The following USP34 variants were observed in gnomAD, a reference collection of about 807,000 sequenced individuals.
The protein encoded by USP34 is ubiquitin specific peptidase 34.
A neutral mutation model predicts 460.3 loss-of-function variants in USP34; 70 were observed. The observed-to-expected ratio is 0.15, with a 90% CI of 0.13 to 0.19. The LOEUF (loss-of-function observed/expected upper bound fraction) is 0.19. Among genes scored for constraint, USP34 ranks in the 10% least tolerant of loss-of-function variants. The probability of loss-of-function intolerance (pLI) is 1.00; values close to 1 mark genes in which losing one functional copy is unlikely to be tolerated. For synonymous variants in USP34, 1,647 were observed against 1,405.3 expected (o/e 1.17, Z -3.85); for missense variants, 3,985 against 4,236.2 (o/e 0.94, Z 1.65).
chr2:61,418,651 T>A (rs1694269939), intron 2 of USP34, among the ~76,000 whole-genome samples: 1 of 152,144 alleles, frequency 6.6e-6, no homozygotes, highest in African/African-American at 2.4e-5. Context: ...AACGACAATC[T>A]TAATCTAGGC....
intron 75 of USP34, chr2:61,200,860 G>A (rs1686955128): frequency 6.6e-6 from 1 of 152,176 alleles, no homozygotes; most frequent in Non-Finnish European, 1.5e-5. Context: ...CAAACTGTGG[G>A]ACACAACTCT....
intron 5 of USP34, among the ~76,000 whole-genome samples, chr2:61,387,720 C>T (rs1693201906): frequency 6.9e-6 from 1 of 144,014 alleles, no homozygotes; most frequent in Admixed American, 7.1e-5. Context: ...TATATTTTTA[C>T]GTATACACAC....
chr2:61,396,601 G>A (rs1353333849), intron 3 of USP34, among the ~76,000 whole-genome samples: 2 of 151,654 alleles, frequency 1.3e-5, no homozygotes, highest in African/African-American at 4.8e-5. Flanking sequence ...CCATTCTCCT[G>A]CCTCAGCCTC....
intron 10 of USP34, among the ~76,000 whole-genome samples, chr2:61,362,010 AAAG>A (rs1464021897): frequency 3.3e-5 from 5 of 152,144 alleles, no homozygotes; most frequent in African/African-American, 4.8e-5. Context: ...TATGTAGGGC[AAAG>A]AAAATAGACA....
intron 1 of USP34, 81 bp from the exon 2 acceptor site, chr2:61,420,914 C>A (rs1694335662): frequency 2.1e-6 from 2 of 933,252 alleles, no homozygotes; most frequent in African/African-American, 1.7e-5. Flanking sequence ...AAGCCAAGAG[C>A]TACAAATGCA....
At chr2:61,194,666 T>C (rs925910109) in intron 75 of USP34, among the ~76,000 whole-genome samples, 1 of 152,118 alleles carries the variant, frequency 6.6e-6, no homozygotes, top group African/African-American at 2.4e-5. Flanking sequence ...CTTAAAAAAA[T>C]ATTTTGGGGC....
intron 30 of USP34, among the ~76,000 whole-genome samples, chr2:61,296,420 T>G (rs996660826): frequency 6.6e-6 from 1 of 152,234 alleles, no homozygotes; most frequent in South Asian, 2.1e-4. Context: ...TCAGTTAATT[T>G]GTATAAGCAC....
chr2:61,353,796 G>C (rs1692025920), intron 10 of USP34, among the ~76,000 whole-genome samples: 1 of 151,956 alleles, frequency 6.6e-6, no homozygotes, highest in Non-Finnish European at 1.5e-5. Flanking sequence ...AACAATGCAT[G>C]AACAAAATGA....
chr2:61,398,974 T>C (rs142742355), intron 3 of USP34, among the ~76,000 whole-genome samples: 15 of 152,292 alleles, frequency 9.8e-5, no homozygotes, highest in Non-Finnish European at 1.8e-4. Flanking sequence ...CCTCCTGTGG[T>C]ATTGTTAAAT....
chr2:61,374,223 C>T (rs993837907), intron 8 of USP34, among the ~76,000 whole-genome samples: 1 of 151,570 alleles, frequency 6.6e-6, no homozygotes, highest in Non-Finnish European at 1.5e-5. Context: ...TTGCCTGAGG[C>T]CAACCCTTAT....
chr2:61,257,498 T>C, intron 44 of USP34, 148 bp from the exon 45 acceptor site: 1 of 571,378 alleles, frequency 1.8e-6, no homozygotes, highest in Non-Finnish European at 2.7e-6. Context: ...TTCTGTTTAG[T>C]TTTCATAGTA....
At chr2:61,248,371 G>C in intron 49 of USP34, 140 bp downstream of exon 49, 1 of 751,494 alleles carries the variant, frequency 1.3e-6, no homozygotes, top group Non-Finnish European at 2.1e-6. Flanking sequence ...CTGACTGAAT[G>C]CATGACATTG....
intron 57 of USP34, 72 bp downstream of exon 57, chr2:61,235,773 C>A: frequency 6.9e-7 from 1 of 1,456,064 alleles, no homozygotes; most frequent in Admixed American, 2.2e-5. Context: ...TCTGCTGTAG[C>A]ATCTTAGATC....
chr2:61,446,155 G>C (rs1573050542), intron 1 of USP34, among the ~76,000 whole-genome samples: 4 of 147,150 alleles, frequency 2.7e-5, no homozygotes, highest in Admixed American at 2.0e-4. Context: ...ACTTAGAAAT[G>C]TCTACATATT....
intron 10 of USP34, among the ~76,000 whole-genome samples, chr2:61,354,525 A>C (rs935712685): frequency 3.3e-4 from 50 of 152,326 alleles, no homozygotes; most frequent in Non-Finnish European, 2.5e-4. Context: ...TCTAGCCACT[A>C]AATGGGAGAA....
At chr2:61,443,208 T>A (rs562028596) in intron 1 of USP34, among the ~76,000 whole-genome samples, 1 of 152,118 alleles carries the variant, frequency 6.6e-6, no homozygotes, top group Non-Finnish European at 1.5e-5. Context: ...AGGAATAAGT[T>A]CCAGTGTTCT....
At chr2:61,463,513 T>G (rs768842184) in intron 1 of USP34, among the ~76,000 whole-genome samples, 2 of 152,200 alleles carry the variant, frequency 1.3e-5, no homozygotes, top group South Asian at 2.1e-4. Flanking sequence ...AGATAGATCA[T>G]CATAAAATTT....
chr2:61,459,823 G>A (rs1256701815), intron 1 of USP34, among the ~76,000 whole-genome samples: 2 of 150,588 alleles, frequency 1.3e-5, no homozygotes, highest in African/African-American at 4.9e-5. Context: ...ACTTTGGGAG[G>A]CCAAGGTGGG....
At chr2:61,265,043 G>T (rs1689006542) in intron 43 of USP34, among the ~76,000 whole-genome samples, 1 of 151,854 alleles carries the variant, frequency 6.6e-6, no homozygotes, top group African/African-American at 2.4e-5. Context: ...TGGATTCAGG[G>T]TTTCCTTATT....
Sources: allele counts gnomAD v4.1 joint callset (sites outside exome capture counted in the v4.1 genomes callset), GRCh38; gene constraint gnomAD v4.1.1; transcripts MANE v1.5; gene names NCBI Gene and HGNC (gene_info 2026-07-23, HGNC 2026-07-21).